ATXN1: variants seen among roughly 807,000 people sequenced by gnomAD.
ATXN1 encodes ataxin-1.
A neutral mutation model predicts 56.4 loss-of-function variants in ATXN1; 8 were observed. The observed-to-expected ratio is 0.14, with a 90% CI of 0.08 to 0.26. The LOEUF (loss-of-function observed/expected upper bound fraction) is 0.26, where lower values mean the gene tolerates loss of function less well. Ranked by LOEUF, ATXN1 falls within the 10% of genes least tolerant of loss-of-function variation. The pLI, the probability that ATXN1 is intolerant of heterozygous loss-of-function variation, is 1.00. For synonymous variants in ATXN1, 514 were observed against 494.6 expected (o/e 1.04, Z -0.52); for missense variants, 987 against 1,106.5 (o/e 0.89, Z 1.53).
chr6:16,375,054 G>T (rs986184499), intron 6 of ATXN1, among the ~76,000 whole-genome samples: 8 of 152,212 alleles, frequency 5.3e-5, no homozygotes, highest in Non-Finnish European at 1.0e-4. Context: ...CAGCAGCTTT[G>T]CAGAAGTGCT....
At chr6:16,604,075 C>T (rs1313949951) in intron 3 of ATXN1, among the ~76,000 whole-genome samples, 2 of 152,086 alleles carry the variant, frequency 1.3e-5, no homozygotes, top group Non-Finnish European at 2.9e-5. Context: ...TTATCTTGTC[C>T]TCTCATGGAT....
At chr6:16,348,188 TTAG>T (rs1300872728) in intron 6 of ATXN1, among the ~76,000 whole-genome samples, 26 of 152,220 alleles carry the variant, frequency 1.7e-4, no homozygotes, top group African/African-American at 6.0e-4. Flanking sequence ...CTCAGCTTCC[TTAG>T]TAGCTGGGAT....
At chr6:16,426,824 C>G (rs1759166638) in intron 6 of ATXN1, among the ~76,000 whole-genome samples, 1 of 151,016 alleles carries the variant, frequency 6.6e-6, no homozygotes, top group Non-Finnish European at 1.5e-5. Context: ...TCCCCCATCT[C>G]TTAGATGTAT....
At chr6:16,739,586 A>C (rs1318120346) in intron 2 of ATXN1, 5 of 296,142 alleles carry the variant, frequency 1.7e-5, no homozygotes, top group Non-Finnish European at 3.5e-5. Context: ...TGCTCTGCAA[A>C]TGACAAAAGG....
At chr6:16,427,292 C>T (rs1759177147) in intron 6 of ATXN1, among the ~76,000 whole-genome samples, 1 of 152,166 alleles carries the variant, frequency 6.6e-6, no homozygotes, top group African/African-American at 2.4e-5. Flanking sequence ...CAGCATTCCT[C>T]ACTTCTACTC....
intron 6 of ATXN1, among the ~76,000 whole-genome samples, chr6:16,467,367 C>T (rs1019786334): frequency 1.2e-4 from 19 of 152,228 alleles, no homozygotes; most frequent in African/African-American, 4.6e-4. Context: ...TATTCTATCA[C>T]GGAGATATGC....
At chr6:16,688,516 G>A (rs1002246531) in intron 2 of ATXN1, among the ~76,000 whole-genome samples, 5 of 152,116 alleles carry the variant, frequency 3.3e-5, no homozygotes, top group African/African-American at 1.2e-4. Context: ...TCTCCATAGA[G>A]CATCAACCAA....
chr6:16,723,282 T>C (rs1759782716), intron 2 of ATXN1, among the ~76,000 whole-genome samples: 1 of 152,210 alleles, frequency 6.6e-6, no homozygotes, highest in Admixed American at 6.5e-5. Flanking sequence ...AGGTGTAACA[T>C]CTCTGGGGAC....
intron 7 of ATXN1, among the ~76,000 whole-genome samples, chr6:16,308,340 A>T (rs1760307130): frequency 6.6e-6 from 1 of 151,156 alleles, no homozygotes; most frequent in African/African-American, 2.4e-5. Context: ...ACACACACAC[A>T]CACACACACA....
At chr6:16,696,718 T>C (rs1759173321) in intron 2 of ATXN1, among the ~76,000 whole-genome samples, 1 of 152,202 alleles carries the variant, frequency 6.6e-6, no homozygotes, top group Admixed American at 6.5e-5. Flanking sequence ...GAACCTATGA[T>C]GGGAAAAAAT....
rs916826079 is a variant in ATXN1 at position 16,466,267 on chromosome 6, G to A, written c.-161+19705C>T. Among the ~76,000 whole-genome samples the A allele has an allele frequency of 6.5e-5, 9 of 139,202 alleles. No individual in the cohort carries two copies. The South Asian group carries it at 1.2e-3, about 18-fold the overall frequency. The allele number at this position is 139,202 out of a possible 152,430, so 91.3% of individuals were successfully genotyped here. A position where few individuals can be genotyped will look rare whatever the true frequency, so the allele number is the denominator to read the frequency against. On this transcript the variant is annotated intron_variant, in intron 6 of 7. Transcript: ENST00000436367. ...GCGGGGGCAGAGATTGCAGTGAGCC[G>A]AGATTGCGCCACTGCACTCCAGTCT...
chr6:16,568,860 T>A (rs1762278543), intron 4 of ATXN1, among the ~76,000 whole-genome samples: 1 of 152,172 alleles, frequency 6.6e-6, no homozygotes, highest in South Asian at 2.1e-4. Flanking sequence ...GTTTCTAGGT[T>A]TTGACAGCAG....
intron 6 of ATXN1, among the ~76,000 whole-genome samples, chr6:16,407,164 G>A (rs1758703255): frequency 6.6e-6 from 1 of 152,236 alleles, no homozygotes; most frequent in African/African-American, 2.4e-5. Context: ...GCATGCCTGA[G>A]ATCACAGAGT....
intron 3 of ATXN1, among the ~76,000 whole-genome samples, chr6:16,653,992 G>C (rs1758135255): frequency 6.6e-6 from 1 of 152,154 alleles, no homozygotes; most frequent in South Asian, 2.1e-4. Flanking sequence ...AGTTTCCTGG[G>C]TTCTACATCC....
At chr6:16,706,688 C>T (rs745638890) in intron 2 of ATXN1, among the ~76,000 whole-genome samples, 12 of 148,646 alleles carry the variant, frequency 8.1e-5, no homozygotes, top group African/African-American at 1.5e-4. Context: ...TGCACCATTG[C>T]GCTCCAGCCT....
chr6:16,536,890 T>C (rs1053788693), intron 4 of ATXN1, among the ~76,000 whole-genome samples: 6 of 152,240 alleles, frequency 3.9e-5, no homozygotes, highest in Non-Finnish European at 8.8e-5. Context: ...GTACTTATCA[T>C]GGTCAAAGAT....
intron 6 of ATXN1, among the ~76,000 whole-genome samples, chr6:16,480,323 G>T (rs1760412589): frequency 6.6e-6 from 1 of 152,146 alleles, no homozygotes; most frequent in African/African-American, 2.4e-5. Context: ...AGACACAGAA[G>T]TAGTACATAA....
chr6:16,602,369 T>A (rs1449061079), intron 3 of ATXN1, among the ~76,000 whole-genome samples: 3 of 152,220 alleles, frequency 2.0e-5, no homozygotes, highest in Non-Finnish European at 2.9e-5. Flanking sequence ...CTTTAAAGCT[T>A]TTAATTTTTT....
intron 7 of ATXN1, among the ~76,000 whole-genome samples, chr6:16,323,436 T>C (rs1044104441): frequency 3.5e-5 from 5 of 140,966 alleles, no homozygotes; most frequent in Non-Finnish European, 6.0e-5. Flanking sequence ...GAAGAATCAC[T>C]TGAACCAAGA....
Sources: allele counts gnomAD v4.1 joint callset (sites outside exome capture counted in the v4.1 genomes callset), GRCh38; gene constraint gnomAD v4.1.1; transcripts MANE v1.5; gene names NCBI Gene and HGNC (gene_info 2026-07-23, HGNC 2026-07-21).